The following BBS9 variants were observed in gnomAD, a reference collection of about 807,000 sequenced individuals.
BBS9 encodes protein PTHB1.
In BBS9, 89 loss-of-function variants were observed where a neutral mutation model predicts 117.7. That is an observed-to-expected ratio of 0.76 (90% CI 0.64 to 0.90). The LOEUF is 0.90. Among genes scored for constraint, BBS9 ranks in the 40% least tolerant of loss-of-function variants. The pLI, the probability that BBS9 is intolerant of heterozygous loss-of-function variation, is 0.00. For synonymous variants in BBS9, 379 were observed against 370.9 expected (o/e 1.02, Z -0.25); for missense variants, 982 against 1,042.2 (o/e 0.94, Z 0.80).
chr7:33,192,874 A>G (rs551768700), intron 5 of BBS9, among the ~76,000 whole-genome samples: 125 of 152,326 alleles, frequency 8.2e-4, no homozygotes, highest in African/African-American at 2.9e-3. Context: ...CCATTCTTTC[A>G]CAAGGCACTA....
At chr7:33,525,865 A>G (rs1242019955) in intron 20 of BBS9, among the ~76,000 whole-genome samples, 6 of 150,768 alleles carry the variant, frequency 4.0e-5, no homozygotes, top group Non-Finnish European at 8.8e-5. Context: ...ACATTTTGGC[A>G]TGATTTTGCA....
intron 4 of BBS9, among the ~76,000 whole-genome samples, chr7:33,174,193 G>T (rs1797000765): frequency 6.6e-6 from 1 of 152,134 alleles, no homozygotes; most frequent in Non-Finnish European, 1.5e-5. Flanking sequence ...CAAATATGTG[G>T]AGCTTCTGAA....
In BBS9 at chr7:33,498,612, A is replaced by G. The variant is rs575438277; in HGVS notation, c.2116-6851A>G. Among the ~76,000 whole-genome samples, 4 of 152,208 alleles carry G rather than the reference A, an allele frequency of 2.6e-5. No individual in the cohort carries two copies. In the South Asian group the frequency reaches 6.2e-4, roughly 24 times the overall value. The stretch of plus-strand genomic sequence containing the variant: ...TTTTATATAAATGGAATCATACAAT[A>G]TGTTTTCCTTTGTCATAGGCTTCTT... On this transcript the variant is annotated intron_variant, in intron 19 of 22. Coordinates refer to ENST00000242067, the MANE Select transcript of BBS9 (RefSeq NM_198428.3).
At chr7:33,203,717 A>ACTTTTCTTTC (rs1562790811) in intron 5 of BBS9, among the ~76,000 whole-genome samples, 1 of 150,638 alleles carries the variant, frequency 6.6e-6, no homozygotes, top group East Asian at 2.0e-4. Context: ...TTGGAACACT[A>ACTTTTCTTTC]CTTTTCTTTT....
In BBS9 at chr7:33,349,126, CA is replaced by C; in HGVS notation, c.1389del (p.Pro464HisfsTer2). The C allele has an allele frequency of 6.2e-7, 1 of 1,613,380 alleles. No individual in the cohort carries two copies. Among genetic ancestry groups the C allele is most frequent in the Non-Finnish European group, 8.5e-7 (1 of 1,179,554 alleles). On this transcript the variant is annotated frameshift_variant, in exon 13 of 23. Coordinates refer to ENST00000242067, the MANE Select transcript of BBS9 (RefSeq NM_198428.3). LOFTEE classifies it high-confidence loss of function. Reference protein sequence around the residue: ...QKAKLSVYVQPPLELTCDQFT... With the variant: ...QKAKLSVYVQXPLELTCDQFT... ...GCCAAATTATCAGTCTACGTGCAAC[CA>C]CCATTAGAATTGACTTGTGATCAGT...
intron 5 of BBS9, among the ~76,000 whole-genome samples, chr7:33,191,782 G>T (rs760356659): frequency 6.6e-6 from 1 of 152,082 alleles, no homozygotes; most frequent in South Asian, 2.1e-4. Flanking sequence ...AAATTCGGGG[G>T]CATGTCTCAA....
At chr7:33,566,990 G>A (rs1395191473) in intron 21 of BBS9, among the ~76,000 whole-genome samples, 21 of 152,158 alleles carry the variant, frequency 1.4e-4, no homozygotes, top group Admixed American at 7.2e-4. Flanking sequence ...GTAGTTCAGT[G>A]GGGTAATGAG....
chr7:33,507,673 G>A (rs1221561545), intron 20 of BBS9, among the ~76,000 whole-genome samples: 2 of 152,152 alleles, frequency 1.3e-5, no homozygotes, highest in African/African-American at 2.4e-5. Flanking sequence ...AGTATTTGTC[G>A]GGTAGATGAA....
At chr7:33,565,831 C>CCATATA (rs1563370308) in intron 21 of BBS9, among the ~76,000 whole-genome samples, 4 of 28,440 alleles carry the variant, frequency 1.4e-4, no homozygotes, top group African/African-American at 9.8e-4. Flanking sequence ...ATATATACCG[C>CCATATA]TATATATACT....
intron 5 of BBS9, among the ~76,000 whole-genome samples, chr7:33,181,900 G>A (rs1227197396): frequency 6.6e-6 from 1 of 152,116 alleles, no homozygotes; most frequent in Non-Finnish European, 1.5e-5. Flanking sequence ...TGGCTAACAC[G>A]GTGAAACCCC....
At chr7:33,624,110 T>G (rs1865534591) in intron 21 of BBS9, among the ~76,000 whole-genome samples, 1 of 152,196 alleles carries the variant, frequency 6.6e-6, no homozygotes, top group African/African-American at 2.4e-5. Context: ...TTTCAGCCCT[T>G]GAGAGAGATG....
At chr7:33,522,487 C>A (rs1423948929) in intron 20 of BBS9, among the ~76,000 whole-genome samples, 4 of 151,964 alleles carry the variant, frequency 2.6e-5, no homozygotes, top group African/African-American at 9.7e-5. Flanking sequence ...TTGCATTTCT[C>A]TGATGGCCAG....
At chr7:33,388,804 C>T (rs1473813754) in intron 19 of BBS9, among the ~76,000 whole-genome samples, 2 of 152,104 alleles carry the variant, frequency 1.3e-5, no homozygotes, top group Non-Finnish European at 2.9e-5. Context: ...GAGAAGGCTT[C>T]TACCAGTTCT....
chr7:33,214,403 A>G (rs1274955472), intron 5 of BBS9, among the ~76,000 whole-genome samples: 1 of 152,200 alleles, frequency 6.6e-6, no homozygotes, highest in Non-Finnish European at 1.5e-5. Context: ...CAGTGACATG[A>G]AGTTACTGTA....
At chr7:33,474,490 T>C (rs1413872701) in intron 19 of BBS9, among the ~76,000 whole-genome samples, 2 of 152,230 alleles carry the variant, frequency 1.3e-5, no homozygotes, top group Non-Finnish European at 2.9e-5. Flanking sequence ...TCTTTCCATG[T>C]CTCACTTTTC....
At chr7:33,371,063 A>G (rs997538691) in intron 17 of BBS9, among the ~76,000 whole-genome samples, 4 of 152,164 alleles carry the variant, frequency 2.6e-5, no homozygotes, top group Non-Finnish European at 5.9e-5. Flanking sequence ...ATAAGAAATC[A>G]TTTTGTTTCC....
chr7:33,605,450 G>A lies in BBS9; in HGVS notation c.*224G>A, dbSNP rs1864461422. ...AAACTTGTCTTGTTTTGCCAGGAAA[G>A]GAAGTAGTTGCCTTTGGTCATCCAT... On this transcript the variant is annotated 3_prime_UTR_variant, in exon 23 of 23. Coordinates refer to ENST00000242067, the MANE Select transcript of BBS9 (RefSeq NM_198428.3). 1 of 593,912 alleles carries A rather than the reference G, an allele frequency of 1.7e-6. No individual in the cohort carries two copies. Among genetic ancestry groups the A allele is most frequent in the Non-Finnish European group, 3.0e-6 (1 of 331,908 alleles). The allele number at this position is 593,912 out of a possible 1,614,324, so 36.8% of individuals were successfully genotyped here.
rs116798006 is a variant in BBS9, at chr7:33,508,053, A to G, written c.2298+2408A>G. On this transcript the variant is annotated intron_variant, in intron 20 of 22. Transcript: ENST00000242067. ...ACAAATATGACTGCATTAGACTCAT[A>G]TGCAGAATCAACAAAATTACACAAT... Among the ~76,000 whole-genome samples, 1,428 of 152,342 alleles carry G rather than the reference A, an allele frequency of 9.4e-3. 19 individuals carry two copies. The highest frequency in any genetic ancestry group is 0.033 in the African/African-American group (1,360 of 41,584).
intron 19 of BBS9, among the ~76,000 whole-genome samples, chr7:33,394,469 T>C (rs922966633): frequency 6.6e-6 from 1 of 151,924 alleles, no homozygotes; most frequent in African/African-American, 2.4e-5. Context: ...AGTATGTGGG[T>C]GGTGAAATAA....
Sources: allele counts gnomAD v4.1 joint callset (sites outside exome capture counted in the v4.1 genomes callset), GRCh38; gene constraint gnomAD v4.1.1; transcripts MANE v1.5; gene names NCBI Gene and HGNC (gene_info 2026-07-23, HGNC 2026-07-21).